The following DCDC2C variants were observed in gnomAD, a reference collection of about 807,000 sequenced individuals.
DCDC2C encodes the protein doublecortin domain-containing protein 2C.
DCDC2C carries 44 observed loss-of-function variants against 45.0 expected under a neutral mutation model. The observed-to-expected ratio is 0.98, with a 90% CI of 0.77 to 1.26. The LOEUF is 1.26. Ranked by LOEUF, DCDC2C falls within the 50% of genes most tolerant of loss-of-function variation. DCDC2C has a pLI of 0.00. For missense variants in DCDC2C, 447 were observed against 468.9 expected (o/e 0.95, Z 0.43); for synonymous variants, 187 against 178.8 (o/e 1.05, Z -0.37).
intron 2 of DCDC2C, among the ~76,000 whole-genome samples, chr2:3,711,711 A>G (rs1668215170): frequency 6.7e-6 from 1 of 150,232 alleles, no homozygotes; most frequent in African/African-American, 2.5e-5. Context: ...TGCTATTTTA[A>G]ACAGTGATGT....
At chr2:3,736,312 TG>T in intron 3 of DCDC2C, among the ~76,000 whole-genome samples, 1 of 152,208 alleles carries the variant, frequency 6.6e-6, no homozygotes, top group Non-Finnish European at 1.5e-5. Context: ...GTTTTGAGGT[TG>T]AGAAAGAGGC....
intron 10 of DCDC2C, among the ~76,000 whole-genome samples, chr2:3,803,054 C>G (rs1671151034): frequency 6.6e-6 from 1 of 152,174 alleles, no homozygotes; most frequent in South Asian, 2.1e-4. Flanking sequence ...GTGACTAGTT[C>G]CATGTGAAGA....
At chr2:3,832,170 T>C (rs10164976) in intron 10 of DCDC2C, among the ~76,000 whole-genome samples, 57,718 of 152,074 alleles carry the variant, frequency 0.38, 11,300 homozygotes, top group African/African-American at 0.49. Context: ...CACTAAATGG[T>C]TTCAGAAAGT....
chr2:3,825,563 G>C (rs547187256), intron 10 of DCDC2C, among the ~76,000 whole-genome samples: 1 of 152,310 alleles, frequency 6.6e-6, no homozygotes, highest in Admixed American at 6.5e-5. Flanking sequence ...TAGGGAGACA[G>C]GATGGCAGTG....
At chr2:3,799,505 A>G (rs1671050411) in intron 10 of DCDC2C, among the ~76,000 whole-genome samples, 1 of 151,932 alleles carries the variant, frequency 6.6e-6, no homozygotes, top group Admixed American at 6.6e-5. Flanking sequence ...GGTTTTATCT[A>G]CTTTTGGTCT....
intron 10 of DCDC2C, among the ~76,000 whole-genome samples, chr2:3,802,281 G>A (rs75320083): frequency 0.099 from 15,137 of 152,284 alleles, 1,026 homozygotes; most frequent in East Asian, 0.29. Context: ...TCTGAACTCT[G>A]GGGTGAAAGT....
chr2:3,739,151 G>T (rs1479862380), intron 3 of DCDC2C, among the ~76,000 whole-genome samples: 1 of 152,020 alleles, frequency 6.6e-6, no homozygotes, highest in Admixed American at 6.6e-5. Context: ...CTATTTACAG[G>T]CTTATAAAAA....
chr2:3,830,595 G>A (rs774531977), intron 10 of DCDC2C, among the ~76,000 whole-genome samples: 3 of 152,140 alleles, frequency 2.0e-5, no homozygotes, highest in Non-Finnish European at 4.4e-5. Flanking sequence ...TTGTCTTCTT[G>A]AGCCTGATGG....
chr2:3,845,684 T>C (rs1672310291), intron 10 of DCDC2C, among the ~76,000 whole-genome samples: 1 of 152,196 alleles, frequency 6.6e-6, no homozygotes, highest in Non-Finnish European at 1.5e-5. Flanking sequence ...TTGGCTCCAT[T>C]CTAAGTATAT....
intron 10 of DCDC2C, among the ~76,000 whole-genome samples, chr2:3,794,347 TTTA>T (rs561126564): frequency 1.4e-4 from 21 of 152,242 alleles, no homozygotes; most frequent in East Asian, 7.7e-4. Context: ...TTTGAAGTTT[TTTA>T]TTATTATTTT....
intron 10 of DCDC2C, among the ~76,000 whole-genome samples, chr2:3,826,312 C>T: frequency 6.6e-6 from 1 of 152,026 alleles, no homozygotes; most frequent in Non-Finnish European, 1.5e-5. Context: ...TTATTTGTTA[C>T]CATAATTCTT....
At chr2:3,822,921 G>A (rs1225922265) in intron 10 of DCDC2C, among the ~76,000 whole-genome samples, 1 of 152,070 alleles carries the variant, frequency 6.6e-6, no homozygotes, top group East Asian at 1.9e-4. Context: ...GAGATCTGAT[G>A]GTTTTATAAG....
intron 6 of DCDC2C, among the ~76,000 whole-genome samples, chr2:3,756,370 A>G (rs1225330486): frequency 6.6e-6 from 1 of 151,970 alleles, no homozygotes; most frequent in Non-Finnish European, 1.5e-5. Flanking sequence ...TCCCCTCCCT[A>G]CTGTGACACA....
intron 7 of DCDC2C, 87 bp from the exon 8 acceptor site, chr2:3,769,224 C>T (rs1017940066): frequency 9.0e-6 from 12 of 1,337,430 alleles, no homozygotes; most frequent in Non-Finnish European, 1.1e-5. Flanking sequence ...TGCCCGGCTT[C>T]GTAACTTGGG....
chr2:3,756,937 G>A (rs970256722), intron 6 of DCDC2C, among the ~76,000 whole-genome samples: 10 of 152,082 alleles, frequency 6.6e-5, no homozygotes, highest in East Asian at 3.8e-4. Context: ...ACACATTTTC[G>A]TATTAGGTGT....
chr2:3,733,950 G>A (rs968404413), intron 3 of DCDC2C, among the ~76,000 whole-genome samples: 3 of 152,170 alleles, frequency 2.0e-5, no homozygotes, highest in Admixed American at 6.5e-5. Flanking sequence ...GGGGGAAGAG[G>A]CTTCTAGTTT....
chr2:3,709,006 A>G (rs1668139034), intron 2 of DCDC2C, among the ~76,000 whole-genome samples: 1 of 152,220 alleles, frequency 6.6e-6, no homozygotes, highest in Non-Finnish European at 1.5e-5. Flanking sequence ...TACGTGATAG[A>G]CATTTATTAG....
intron 8 of DCDC2C, 54 bp downstream of exon 8, chr2:3,769,465 C>T: frequency 6.8e-7 from 1 of 1,471,454 alleles, no homozygotes; most frequent in Non-Finnish European, 9.3e-7. Flanking sequence ...CCATCAGCTC[C>T]TGCCCGCCTC....
intron 2 of DCDC2C, among the ~76,000 whole-genome samples, chr2:3,712,616 A>G (rs1039459218): frequency 1.3e-4 from 20 of 152,312 alleles, no homozygotes; most frequent in African/African-American, 4.8e-4. Flanking sequence ...AGCCTGAGCA[A>G]CAGAGTGAAA....
Sources: gnomAD v4.1 joint callset for allele counts (sites outside exome capture counted in the v4.1 genomes callset) on GRCh38, gnomAD v4.1.1 for gene constraint, MANE v1.5 for transcripts, NCBI Gene and HGNC (gene_info 2026-07-23, HGNC 2026-07-21) for gene names.